Variants in ACACA observed in about 807,000 individuals in gnomAD.
ACACA encodes acetyl-CoA carboxylase 1.
ACACA carries 103 observed loss-of-function variants against 296.1 expected under a neutral mutation model. That is an observed-to-expected ratio of 0.35 (90% CI 0.30 to 0.41). The LOEUF is 0.41. Ranked by LOEUF, ACACA falls within the 10% of genes least tolerant of loss-of-function variation. ACACA has a pLI of 1.00. For synonymous variants in ACACA, 953 were observed against 1,038.6 expected, an observed-to-expected ratio of 0.92 and a Z score of 1.58; for missense variants, 1,554 against 2,989.7, an observed-to-expected ratio of 0.52 and a Z score of 11.20.
At chr17:37,359,274 G>T (rs955188374) in intron 1 of ACACA, among the ~76,000 whole-genome samples, 1 of 152,178 alleles carries the variant, frequency 6.6e-6, no homozygotes, top group African/African-American at 2.4e-5. Context: ...GGCGCTGCCA[G>T]GGCCGCCGGG....
chr17:37,288,813 C>T (rs1257220663), intron 3 of ACACA, among the ~76,000 whole-genome samples: 1 of 151,738 alleles, frequency 6.6e-6, no homozygotes. Flanking sequence ...GTGGGAGAAT[C>T]ACTTGAGCCA....
chr17:37,247,352 G>A (rs2080759552), intron 18 of ACACA, among the ~76,000 whole-genome samples: 1 of 150,324 alleles, frequency 6.7e-6, no homozygotes, highest in Non-Finnish European at 1.5e-5. Flanking sequence ...CACCATAACT[G>A]GTGTTGAACA....
chr17:37,373,535 C>T (rs530142415), intron 1 of ACACA, among the ~76,000 whole-genome samples: 7 of 147,142 alleles, frequency 4.8e-5, no homozygotes, highest in South Asian at 2.2e-4. Flanking sequence ...TGTGAACTAC[C>T]GTGCCTGGCC....
intron 33 of ACACA, among the ~76,000 whole-genome samples, chr17:37,203,527 T>C (rs1435932700): frequency 1.3e-5 from 2 of 151,824 alleles, no homozygotes; most frequent in African/African-American, 4.8e-5. Context: ...GCAGATCACC[T>C]GAGGTTGGGA....
chr17:37,093,913 A>G (rs1188652598), intron 54 of ACACA, among the ~76,000 whole-genome samples: 1 of 152,194 alleles, frequency 6.6e-6, no homozygotes, highest in Non-Finnish European at 1.5e-5. Flanking sequence ...ATGCCAGTAA[A>G]TGACAAAGCT....
intron 1 of ACACA, among the ~76,000 whole-genome samples, chr17:37,400,945 C>A (rs1028687156): frequency 1.3e-5 from 2 of 152,046 alleles, no homozygotes; most frequent in Non-Finnish European, 2.9e-5. Context: ...TAGTTCCATT[C>A]AAAAATTTTT....
intron 45 of ACACA, among the ~76,000 whole-genome samples, chr17:37,145,602 A>G (rs922916884): frequency 2.0e-5 from 3 of 152,242 alleles, no homozygotes; most frequent in African/African-American, 7.2e-5. Flanking sequence ...ACTTAGGGAC[A>G]TGAAAGTTCA....
chr17:37,281,663 C>G (rs185606264), intron 5 of ACACA, among the ~76,000 whole-genome samples: 1 of 151,986 alleles, frequency 6.6e-6, no homozygotes, highest in Non-Finnish European at 1.5e-5. Flanking sequence ...GTCAAGATAC[C>G]GAGACCATCC....
intron 29 of ACACA, among the ~76,000 whole-genome samples, chr17:37,212,511 A>T (rs1320683085): frequency 6.6e-6 from 1 of 152,244 alleles, no homozygotes; most frequent in Non-Finnish European, 1.5e-5. Flanking sequence ...GTTTAGAGCC[A>T]GCTTATCCAC....
chr17:37,157,873 G>A (rs1192647130), intron 42 of ACACA, among the ~76,000 whole-genome samples: 2 of 152,120 alleles, frequency 1.3e-5, no homozygotes. Context: ...AACAGACCTT[G>A]GGTGGGGCTG....
intron 1 of ACACA, chr17:37,388,855 G>C: frequency 1.3e-6 from 2 of 1,580,606 alleles, no homozygotes; most frequent in Non-Finnish European, 1.7e-6. Context: ...TTCTGTTCCA[G>C]AGGCAGCTTG....
intron 1 of ACACA, chr17:37,389,239 C>G (rs781607152): frequency 1.3e-6 from 2 of 1,573,176 alleles, no homozygotes; most frequent in African/African-American, 1.4e-5. Context: ...TCATTTTCTC[C>G]CTTCAGTATC....
chr17:37,359,481 C>T (rs1490341555), intron 1 of ACACA, among the ~76,000 whole-genome samples: 1 of 152,036 alleles, frequency 6.6e-6, no homozygotes, highest in African/African-American at 2.4e-5. Flanking sequence ...TTCGCGGCCC[C>T]TTCTGCCACA....
chr17:37,179,650 G>T (rs1425860808), intron 40 of ACACA, among the ~76,000 whole-genome samples: 1 of 152,154 alleles, frequency 6.6e-6, no homozygotes, highest in African/African-American at 2.4e-5. Context: ...ATCAGCACCA[G>T]AGCATTAACA....
At chr17:37,275,761 C>G (rs2082262205) in intron 8 of ACACA, among the ~76,000 whole-genome samples, 190 bp downstream of exon 8, 1 of 152,092 alleles carries the variant, frequency 6.6e-6, no homozygotes, top group South Asian at 2.1e-4. Context: ...ATCTGTGTAC[C>G]TGGAACTAAA....
intron 52 of ACACA, among the ~76,000 whole-genome samples, chr17:37,107,466 G>A (rs963127736): frequency 2.0e-5 from 3 of 152,198 alleles, no homozygotes; most frequent in Non-Finnish European, 2.9e-5. Context: ...ACAGAGAAGC[G>A]TATCCTCACC....
intron 1 of ACACA, chr17:37,385,905 A>G: frequency 1.4e-6 from 1 of 734,028 alleles, no homozygotes; most frequent in Non-Finnish European, 2.2e-6. Context: ...TAATGGGACC[A>G]CAATTGGAAG....
chr17:37,214,290 T>TC (rs993639437), intron 29 of ACACA, among the ~76,000 whole-genome samples: 3 of 152,112 alleles, frequency 2.0e-5, no homozygotes, highest in African/African-American at 7.2e-5. Flanking sequence ...TACTGGCATC[T>TC]CCCCCACCAC....
intron 45 of ACACA, among the ~76,000 whole-genome samples, chr17:37,137,446 G>A (rs926153252): frequency 2.0e-5 from 3 of 151,928 alleles, no homozygotes; most frequent in South Asian, 2.1e-4. Flanking sequence ...GCCTATTATT[G>A]TCTTTTAGCT....
Sources: allele counts gnomAD v4.1 joint callset (sites outside exome capture counted in the v4.1 genomes callset), GRCh38; gene constraint gnomAD v4.1.1; transcripts MANE v1.5; gene names NCBI Gene and HGNC (gene_info 2026-07-23, HGNC 2026-07-21).